The following GPATCH2 variants were observed in gnomAD, a reference collection of about 807,000 sequenced individuals.
The protein encoded by GPATCH2 is G-patch domain containing 2.
Under a neutral mutation model 58.0 loss-of-function variants are expected in GPATCH2, and 51 were observed. That is an observed-to-expected ratio of 0.88 (90% CI 0.70 to 1.11). GPATCH2 has a LOEUF of 1.11. Ranked by LOEUF, GPATCH2 falls within the 50% of genes most tolerant of loss-of-function variation. The probability of loss-of-function intolerance (pLI) is 0.00; values close to 1 mark genes in which losing one functional copy is unlikely to be tolerated. For synonymous variants in GPATCH2, 222 were observed against 218.5 expected, an observed-to-expected ratio of 1.02 and a Z score of -0.14; for missense variants, 625 against 652.2, an observed-to-expected ratio of 0.96 and a Z score of 0.45.
chr1:217,438,294 C>A (rs1270570548), intron 9 of GPATCH2, among the ~76,000 whole-genome samples: 1 of 152,082 alleles, frequency 6.6e-6, no homozygotes, highest in African/African-American at 2.4e-5. Flanking sequence ...CACAAAAAGG[C>A]AGAAAATTCC....
At chr1:217,555,459 C>T (rs543032058) in intron 5 of GPATCH2, among the ~76,000 whole-genome samples, 6 of 152,138 alleles carry the variant, frequency 3.9e-5, no homozygotes, top group African/African-American at 1.2e-4. Context: ...CCTGCTTGTA[C>T]GTTAGGGTAT....
intron 5 of GPATCH2, among the ~76,000 whole-genome samples, chr1:217,585,056 A>C (rs1558504229): frequency 6.6e-6 from 1 of 152,130 alleles, no homozygotes; most frequent in Admixed American, 6.5e-5. Context: ...TAAAAGCATT[A>C]TTAAAAATAA....
intron 8 of GPATCH2, among the ~76,000 whole-genome samples, chr1:217,469,290 A>G (rs1281369672): frequency 6.6e-6 from 1 of 152,138 alleles, no homozygotes; most frequent in Non-Finnish European, 1.5e-5. Context: ...GCTGTCCAAG[A>G]TTTGAATGCC....
intron 9 of GPATCH2, among the ~76,000 whole-genome samples, chr1:217,441,342 T>C (rs866423061): frequency 1.4e-5 from 2 of 139,180 alleles, no homozygotes; most frequent in African/African-American, 3.1e-5. Flanking sequence ...TTACATCTTA[T>C]ACAAAAATTA....
chr1:217,591,230 T>C (rs1403741270), intron 5 of GPATCH2, among the ~76,000 whole-genome samples: 1 of 152,110 alleles, frequency 6.6e-6, no homozygotes, highest in Non-Finnish European at 1.5e-5. Context: ...TATGCATATA[T>C]ATAATGGACA....
chr1:217,581,441 T>C (rs11117887), intron 5 of GPATCH2, among the ~76,000 whole-genome samples: 26,994 of 152,128 alleles, frequency 0.18, 2,599 homozygotes, highest in African/African-American at 0.21. Flanking sequence ...AGCTAATTAG[T>C]TGCATGGTGA....
intron 5 of GPATCH2, among the ~76,000 whole-genome samples, chr1:217,583,698 A>T (rs993193185): frequency 4.6e-5 from 7 of 151,840 alleles, no homozygotes; most frequent in African/African-American, 1.4e-4. Context: ...AGCACAACAT[A>T]AAAAAAAGCA....
chr1:217,438,493 C>A (rs181070135), intron 9 of GPATCH2, among the ~76,000 whole-genome samples: 1 of 151,856 alleles, frequency 6.6e-6, no homozygotes, highest in Non-Finnish European at 1.5e-5. Flanking sequence ...AAAAAGGTAA[C>A]TAGAATAACC....
intron 9 of GPATCH2, among the ~76,000 whole-genome samples, chr1:217,445,398 A>T (rs1659341262): frequency 6.6e-6 from 1 of 152,164 alleles, no homozygotes; most frequent in South Asian, 2.1e-4. Flanking sequence ...TCTACCAAAA[A>T]CATGGACCAC....
chr1:217,550,538 T>A (rs988465059), intron 5 of GPATCH2, among the ~76,000 whole-genome samples: 13 of 152,042 alleles, frequency 8.6e-5, no homozygotes, highest in African/African-American at 3.1e-4. Flanking sequence ...TTATTTTTAG[T>A]GAATGACACT....
At chr1:217,594,273 C>T (rs1040485048) in intron 5 of GPATCH2, among the ~76,000 whole-genome samples, 1 of 152,014 alleles carries the variant, frequency 6.6e-6, no homozygotes, top group Non-Finnish European at 1.5e-5. Context: ...TAATTTAGAA[C>T]AGTTACAAAA....
intron 5 of GPATCH2, among the ~76,000 whole-genome samples, chr1:217,530,809 A>G (rs1300766275): frequency 6.6e-6 from 1 of 152,204 alleles, no homozygotes; most frequent in Non-Finnish European, 1.5e-5. Flanking sequence ...TAGTGACTGT[A>G]TAGGCTGATA....
At chr1:217,522,292 CA>C (rs1220893055) in intron 5 of GPATCH2, among the ~76,000 whole-genome samples, 1 of 151,948 alleles carries the variant, frequency 6.6e-6, no homozygotes, top group African/African-American at 2.4e-5. Context: ...AATGCTTTCA[CA>C]AAAAAGATTA....
chr1:217,589,799 A>T (rs953270423), intron 5 of GPATCH2, among the ~76,000 whole-genome samples: 2 of 152,188 alleles, frequency 1.3e-5, no homozygotes, highest in Non-Finnish European at 2.9e-5. Context: ...CTAGACTCAA[A>T]CTTATTGCTC....
At chr1:217,612,416 G>A (rs1454282454) in intron 3 of GPATCH2, among the ~76,000 whole-genome samples, 2 of 152,012 alleles carry the variant, frequency 1.3e-5, no homozygotes, top group African/African-American at 4.8e-5. Flanking sequence ...ATACTCTTAA[G>A]CTTCAGTTGA....
At position 217,431,227 on chromosome 1, in the gene GPATCH2, C is replaced by T; in HGVS notation, c.1505G>A (p.Arg502Lys). ...GISEPIQAMQ[R>K]PKGLGLGFPL... ...AAATCCAAGTCCTAATCCCTTTGGC[C>T]TCTGCATGGCTTGAATTGGCTCAGA... Residue 502 changes from arginine (R) to lysine (K), a missense_variant, in exon 10 of 10, where the codon AGG becomes AAG. Physicochemically the swap from Arg to Lys is conservative, Grantham distance 26. Coordinates refer to ENST00000366935, the MANE Select transcript of GPATCH2 (RefSeq NM_018040.5). 1 of 1,611,294 alleles carries T rather than the reference C, an allele frequency of 6.2e-7. No homozygotes were observed. Among genetic ancestry groups the T allele is most frequent in the South Asian group, 1.1e-5 (1 of 91,040 alleles).
intron 8 of GPATCH2, among the ~76,000 whole-genome samples, chr1:217,467,759 T>A (rs1254368729): frequency 1.3e-5 from 2 of 151,876 alleles, no homozygotes; most frequent in African/African-American, 4.8e-5. Flanking sequence ...ATTCCTAACA[T>A]CCAGACTGTG....
Position 217,547,336 on chromosome 1 carries a change from C to T in GPATCH2, c.1099-32447G>A, listed in dbSNP as rs1335691331. On this transcript the variant is annotated intron_variant, in intron 5 of 9. Transcript: ENST00000366935. ...AGAGATCGCGCCACTGCACTCCAGC[C>T]TGGGTGACAGCGCAAAAAAAAAAAG... 7.6e-5 allele frequency among the ~76,000 whole-genome samples: 11 copies of T among 144,702 alleles called. No homozygotes were observed. The East Asian group carries it at 2.3e-3, about 30-fold the overall frequency. 94.9% of individuals were successfully genotyped at this position (144,702 alleles called of 152,430 possible).
At chr1:217,605,903 G>A (rs1668339127) in intron 5 of GPATCH2, among the ~76,000 whole-genome samples, 1 of 152,066 alleles carries the variant, frequency 6.6e-6, no homozygotes, top group African/African-American at 2.4e-5. Context: ...AAATATAAGA[G>A]ATTCGGGCTG....
Sources: gnomAD v4.1 joint callset for allele counts (sites outside exome capture counted in the v4.1 genomes callset) on GRCh38, gnomAD v4.1.1 for gene constraint, MANE v1.5 for transcripts, NCBI Gene and HGNC (gene_info 2026-07-23, HGNC 2026-07-21) for gene names.